Variants in CTSB observed in about 807,000 individuals in gnomAD.
CTSB encodes the protein cathepsin B.
CTSB carries 57 observed loss-of-function variants against 44.3 expected under a neutral mutation model. That is an observed-to-expected ratio of 1.29 (90% confidence interval 1.04 to 1.60). The LOEUF (loss-of-function observed/expected upper bound fraction) is 1.60. Ranked by LOEUF, CTSB falls within the 40% of genes most tolerant of loss-of-function variation. The pLI, the probability that CTSB is intolerant of heterozygous loss-of-function variation, is 0.00. For synonymous variants in CTSB, 320 were observed against 168.0 expected (o/e 1.91, Z -7.00); for missense variants, 768 against 443.0 (o/e 1.73, Z -6.59).
rs761330581 is a variant in CTSB, at chr8:11,845,699, A to C, written c.884T>G (p.Leu295Arg). 2 of 1,614,138 alleles carry C rather than the reference A, an allele frequency of 1.2e-6. No individual in the cohort carries two copies. The highest frequency in any genetic ancestry group is 1.7e-6 in the Non-Finnish European group (2 of 1,179,968). ...GTCAGTGTTCCAGGAGTTGGCAACCAGCCAGTAGGGTGTGCCATTCTCCAC... is the reference window on the plus strand; with the variant it reads ...GTCAGTGTTCCAGGAGTTGGCAACCCGCCAGTAGGGTGTGCCATTCTCCAC... ...WGVENGTPYW[L>R]VANSWNTDWG... Residue 295 changes from leucine to arginine, a missense_variant, in exon 9 of 10, where the codon CTG becomes CGG. Physicochemically the swap from Leu to Arg is moderately radical, Grantham distance 102 (BLOSUM62 -2). Transcript: ENST00000353047.
At chr8:11,846,490 A>C (rs571733489) in intron 8 of CTSB, 1 of 152,854 alleles carries the variant, frequency 6.5e-6, no homozygotes, top group Admixed American at 6.5e-5. Flanking sequence ...CATCTGGAGC[A>C]AGGGATTTCT....
chr8:11,863,465 A>C (rs1816704327), intron 1 of CTSB, among the ~76,000 whole-genome samples: 1 of 152,152 alleles, frequency 6.6e-6, no homozygotes, highest in Non-Finnish European at 1.5e-5. Flanking sequence ...TTCAAAAAAA[A>C]AACAAAAAAA....
intron 9 of CTSB, 76 bp from the exon 10 acceptor site, chr8:11,845,298 C>T: frequency 3.6e-6 from 4 of 1,123,420 alleles, no homozygotes; most frequent in Non-Finnish European, 5.3e-6. Flanking sequence ...CTTAAAAGAC[C>T]TTAAGTCACT....
intron 1 of CTSB, among the ~76,000 whole-genome samples, chr8:11,862,855 G>A (rs1816631329): frequency 6.6e-6 from 1 of 152,226 alleles, no homozygotes; most frequent in South Asian, 2.1e-4. Flanking sequence ...TACTGGTCCC[G>A]TTACCATCTT....
intron 1 of CTSB, among the ~76,000 whole-genome samples, chr8:11,866,464 G>GA (rs1298373092): frequency 6.6e-6 from 1 of 152,266 alleles, no homozygotes; most frequent in Non-Finnish European, 1.5e-5. Context: ...AAGACGAAGG[G>GA]AAGCCTCTGT....
intron 4 of CTSB, 196 bp from the exon 5 acceptor site, chr8:11,849,360 G>T (rs1814106601): frequency 4.7e-6 from 2 of 426,024 alleles, no homozygotes; most frequent in Admixed American, 6.9e-5. Context: ...TGGCCAGACT[G>T]GTCTTGAACT....
In CTSB at chr8:11,847,168, C is replaced by T; in HGVS notation, c.677G>A (p.Gly226Glu). 1 of 1,601,476 alleles carries T rather than the reference C, an allele frequency of 6.2e-7. No homozygotes were observed. The highest frequency in any genetic ancestry group is 8.6e-7 in the Non-Finnish European group (1 of 1,169,018). Residue 226 changes from glycine (G) to glutamate (E), a missense_variant and splice_region_variant, in exon 8 of 10, where the codon GGA becomes GAA. Coordinates refer to ENST00000353047, the MANE Select transcript of CTSB (RefSeq NM_001908.5). ...ATTGGAGACGCTGTAGGAATTGTAT[C>T]CTGGAAAATGAACCGAGCTCGGGGT... ...SPTYKQDKHY[G>E]YNSYSVSNSE...
intron 3 of CTSB, among the ~76,000 whole-genome samples, chr8:11,851,420 C>G (rs980049181): frequency 1.3e-5 from 2 of 152,120 alleles, no homozygotes; most frequent in African/African-American, 4.8e-5. Flanking sequence ...AAACTCCTGG[C>G]TTCAAATGAT....
In CTSB at chr8:11,866,463, G is replaced by A. The variant is rs1440329052; in HGVS notation, c.-26+1538C>T. ...AGAGGACAAATGACCAAAGACGAAG[G>A]GAAGCCTCTGTTCTCCAGGAGACGT... On this transcript the variant is annotated intron_variant, in intron 1 of 9. Transcript: ENST00000353047. Among the ~76,000 whole-genome samples the A allele has an allele frequency of 2.0e-5, 3 of 152,232 alleles. No individual in the cohort carries two copies. In the South Asian group the frequency reaches 6.2e-4, roughly 31 times the overall value.
At chr8:11,846,026 T>G in intron 8 of CTSB, 3 of 367,274 alleles carry the variant, frequency 8.2e-6, no homozygotes, top group Non-Finnish European at 9.7e-6. Flanking sequence ...CTACAAAATG[T>G]GCTTGTTGGC....
At chr8:11,865,368 C>G (rs113448138) in intron 1 of CTSB, 6,342 of 151,748 alleles carry the variant, frequency 0.042, 175 homozygotes, top group South Asian at 0.11. Context: ...CGTGGCAAAA[C>G]CCCCACATTG....
intron 1 of CTSB, among the ~76,000 whole-genome samples, chr8:11,863,715 T>C (rs1245923643): frequency 4.6e-5 from 7 of 152,162 alleles, no homozygotes; most frequent in Admixed American, 3.9e-4. Context: ...TTTCTGGTCA[T>C]GAAATTAAAA....
At position 11,842,943 on chromosome 8, in the gene CTSB, T is replaced by C. The variant is rs1267105284; in HGVS notation, c.*2182A>G. 42 of 139,882 alleles carry C rather than the reference T, an allele frequency of 3.0e-4. No homozygotes were observed. The highest frequency in any genetic ancestry group is 1.1e-3 in the African/African-American group (37 of 34,888). The allele number at this position is 139,882 out of a possible 1,614,324, so 8.7% of individuals were successfully genotyped here. A position where few individuals can be genotyped will look rare whatever the true frequency, so the allele number is the denominator to read the frequency against. On this transcript the variant is annotated 3_prime_UTR_variant, in exon 10 of 10. Coordinates refer to ENST00000353047, the MANE Select transcript of CTSB (RefSeq NM_001908.5). The stretch of plus-strand genomic sequence containing the variant: ...TGAGCCACTGCGCCCGGCCTTTTTT[T>C]TTTTTTTTTTTTTTTTAATTATTGA...
intron 9 of CTSB, 82 bp downstream of exon 9, chr8:11,845,579 G>C (rs1442895964): frequency 2.0e-6 from 3 of 1,521,848 alleles, no homozygotes; most frequent in Admixed American, 3.6e-5. Flanking sequence ...GCTGTGCGGT[G>C]GGTAGAACAG....
intron 9 of CTSB, 72 bp downstream of exon 9, chr8:11,845,589 G>T: frequency 1.3e-6 from 2 of 1,558,644 alleles, no homozygotes; most frequent in South Asian, 1.2e-5. Context: ...GGGTAGAACA[G>T]AGAAAGCCGA....
intron 1 of CTSB, among the ~76,000 whole-genome samples, chr8:11,856,168 G>C (rs564130033): frequency 6.6e-6 from 1 of 152,122 alleles, no homozygotes; most frequent in Non-Finnish European, 1.5e-5. Context: ...GGAAACGGAA[G>C]GCATGATAAT....
chr8:11,858,615 C>T (rs190928647), intron 1 of CTSB, among the ~76,000 whole-genome samples: 132 of 152,290 alleles, frequency 8.7e-4, no homozygotes, highest in African/African-American at 3.1e-3. Flanking sequence ...TTCAATTAAC[C>T]CCAGCATTTA....
Position 11,844,895 on chromosome 8 carries a change from G to A in CTSB, c.*230C>T, listed in dbSNP as rs371589171. On this transcript the variant is annotated 3_prime_UTR_variant, in exon 10 of 10. Transcript: ENST00000353047. ...GTACTCCCTACGGCACTAGTCTACA[G>A]GGGGAAGGACGCTCTGTGCTGGCAG... 2,038 of 551,020 alleles carry A rather than the reference G, an allele frequency of 3.7e-3. 15 individuals are homozygous for A. Among genetic ancestry groups the A allele is most frequent in the Non-Finnish European group, 3.6e-3 (1,103 of 307,608 alleles). The allele number at this position is 551,020 out of a possible 1,614,324, so 34.1% of individuals were successfully genotyped here.
In CTSB at chr8:11,849,148, TCCACAGCC is replaced by T; in HGVS notation, c.336_343del (p.Ala113SerfsTer4). 3 of 1,612,576 alleles carry T rather than the reference TCCACAGCC, an allele frequency of 1.9e-6. No homozygotes were observed. The highest frequency in any genetic ancestry group is 2.5e-6 in the Non-Finnish European group (3 of 1,179,742). ...GATGCAGATCCGGTCAGAGATGGCTTCCACAGCCCCGAAGGCCTGCAGGAACGAGCCCC... is the reference window on the plus strand; with the variant it reads ...GATGCAGATCCGGTCAGAGATGGCTTCCGAAGGCCTGCAGGAACGAGCCCC... On this transcript the variant is annotated frameshift_variant, in exon 5 of 10. Coordinates refer to ENST00000353047, the MANE Select transcript of CTSB (RefSeq NM_001908.5). LOFTEE classifies it high-confidence loss of function.
Sources: allele counts gnomAD v4.1 joint callset (sites outside exome capture counted in the v4.1 genomes callset), GRCh38; gene constraint gnomAD v4.1.1; transcripts MANE v1.5; gene names NCBI Gene and HGNC (gene_info 2026-07-23, HGNC 2026-07-21).